The following IGSF21 variants were observed in gnomAD, a reference collection of about 807,000 sequenced individuals.
The protein encoded by IGSF21 is immunoglobulin superfamily member 21.
In IGSF21, 28 loss-of-function variants were observed where a neutral mutation model predicts 46.8. That is an observed-to-expected ratio of 0.60 (90% confidence interval 0.44 to 0.82). IGSF21 has a LOEUF of 0.82. Ranked by LOEUF, IGSF21 falls within the 40% of genes least tolerant of loss-of-function variation. IGSF21 has a pLI of 0.00. For synonymous variants in IGSF21, 284 were observed against 273.6 expected (o/e 1.04, Z -0.38); for missense variants, 624 against 665.5 (o/e 0.94, Z 0.69).
intron 4 of IGSF21, among the ~76,000 whole-genome samples, chr1:18,339,323 C>T (rs1015921760): frequency 3.3e-5 from 5 of 152,182 alleles, no homozygotes; most frequent in African/African-American, 9.7e-5. Flanking sequence ...AAGGAAATTT[C>T]CCTCCCCTTG....
rs74734980 is a variant in IGSF21, at chr1:18,183,028, C to G, written c.71-44870C>G. Among the ~76,000 whole-genome samples the G allele has an allele frequency of 9.4e-4, 143 of 152,320 alleles. 1 individual carries two copies. Among genetic ancestry groups the G allele is most frequent in the African/African-American group, 3.4e-3 (142 of 41,574 alleles). ...CTGGCTGCCCAGGCATTACAGGAAGCCACCCTGCCCCCTCCTGGGCCTGGC... is the reference window on the plus strand; with the variant it reads ...CTGGCTGCCCAGGCATTACAGGAAGGCACCCTGCCCCCTCCTGGGCCTGGC... On this transcript the variant is annotated intron_variant, in intron 1 of 9. Transcript: ENST00000251296.
chr1:18,249,003 C>T (rs146618121), intron 2 of IGSF21, among the ~76,000 whole-genome samples: 1 of 152,248 alleles, frequency 6.6e-6, no homozygotes, highest in African/African-American at 2.4e-5. Flanking sequence ...GGAGCCTGCG[C>T]AGGCCTCCTA....
intron 1 of IGSF21, among the ~76,000 whole-genome samples, chr1:18,183,863 G>A (rs1407518626): frequency 1.1e-4 from 16 of 152,230 alleles, no homozygotes; most frequent in Non-Finnish European, 1.5e-5. Context: ...GGTCCCACTG[G>A]GCAAGCCTAT....
chr1:18,364,113 A>G (rs1324666856), intron 5 of IGSF21, among the ~76,000 whole-genome samples: 1 of 152,100 alleles, frequency 6.6e-6, no homozygotes, highest in African/African-American at 2.4e-5. Context: ...GCCTGCCCCA[A>G]CATTTGCGAC....
intron 3 of IGSF21, among the ~76,000 whole-genome samples, chr1:18,296,236 CT>C (rs2085311344): frequency 3.9e-5 from 6 of 152,140 alleles, no homozygotes. Context: ...CTCCTAAATC[CT>C]TGTTTCAAGG....
intron 1 of IGSF21, among the ~76,000 whole-genome samples, chr1:18,212,998 G>A (rs2084407859): frequency 6.6e-6 from 1 of 152,238 alleles, no homozygotes; most frequent in Non-Finnish European, 1.5e-5. Context: ...AGGGGTCCTG[G>A]TCTTGAGTTG....
chr1:18,361,868 T>C, intron 4 of IGSF21: 1 of 496,436 alleles, frequency 2.0e-6, no homozygotes, highest in South Asian at 2.6e-5. Context: ...CTGTGCTATC[T>C]CTTGATTCCT....
intron 4 of IGSF21, among the ~76,000 whole-genome samples, chr1:18,338,843 C>A (rs115761135): frequency 6.6e-6 from 1 of 150,954 alleles, no homozygotes; most frequent in Admixed American, 6.6e-5. Flanking sequence ...GCCCCAGGAA[C>A]GCATTATACA....
chr1:18,325,027 C>G (rs944691338), intron 3 of IGSF21, among the ~76,000 whole-genome samples: 19 of 152,324 alleles, frequency 1.2e-4, no homozygotes, highest in African/African-American at 4.1e-4. Context: ...GAGTCTGGGT[C>G]CCACTTTCTG....
At chr1:18,175,613 G>A (rs932643796) in intron 1 of IGSF21, among the ~76,000 whole-genome samples, 3 of 152,080 alleles carry the variant, frequency 2.0e-5, no homozygotes, top group African/African-American at 7.2e-5. Context: ...CTGGGGTAGC[G>A]GGGGCTCCCT....
At chr1:18,255,180 G>T (rs1005556888) in intron 2 of IGSF21, among the ~76,000 whole-genome samples, 1 of 152,182 alleles carries the variant, frequency 6.6e-6, no homozygotes, top group Admixed American at 6.5e-5. Context: ...TACAGAGTGA[G>T]AAACTGAGGC....
Position 18,252,045 on chromosome 1 carries a change from GT to G in IGSF21, c.183+24058del, listed in dbSNP as rs59704256. Among the ~76,000 whole-genome samples the G allele has an allele frequency of 2.8e-3, 203 of 72,076 alleles. 2 individuals are homozygous for G. The highest frequency in any genetic ancestry group is 9.2e-3 in the African/African-American group (166 of 17,950). The allele number at this position is 72,076 out of a possible 152,430, so 47.3% of individuals were successfully genotyped here. ...GGCTGGAACACTTTCTGACCAAGGC[GT>G]TTTTTTTTTTTTTTTTTTTTTTGAG... On this transcript the variant is annotated intron_variant, in intron 2 of 9. Coordinates refer to ENST00000251296, the MANE Select transcript of IGSF21 (RefSeq NM_032880.5).
At position 18,273,462 on chromosome 1, in the gene IGSF21, C is replaced by CTCTTTCTTTT. The variant is rs1553159596; in HGVS notation, c.184-18395_184-18394insTTCTTTCTTT. On this transcript the variant is annotated intron_variant, in intron 2 of 9. Coordinates refer to ENST00000251296, the MANE Select transcript of IGSF21 (RefSeq NM_032880.5). Reference sequence around the variant, plus strand: ...TCTTTCTCACTTTCTTTCTTTCTCTCTCTTTCTTTCTTTCTTTCTTTCTTT... The same window carrying CTCTTTCTTTT: ...TCTTTCTCACTTTCTTTCTTTCTCTCTCTTTCTTTTTCTTTCTTTCTTTCTTTCTTTCTTT... 9.7e-5 allele frequency among the ~76,000 whole-genome samples: 6 copies of CTCTTTCTTTT among 61,930 alleles called. 1 individual carries two copies. In the East Asian group the frequency reaches 1.3e-3, roughly 13 times the overall value. 40.6% of individuals were successfully genotyped at this position (61,930 alleles called of 152,430 possible).
At chr1:18,150,505 G>A (rs371470919) in intron 1 of IGSF21, among the ~76,000 whole-genome samples, 6 of 152,266 alleles carry the variant, frequency 3.9e-5, no homozygotes, top group African/African-American at 1.4e-4. Context: ...ACCTGTCCCC[G>A]ATTCTGTGTT....
chr1:18,184,742 C>T lies in IGSF21; in HGVS notation c.71-43156C>T, dbSNP rs61762137. On this transcript the variant is annotated intron_variant, in intron 1 of 9. Coordinates refer to ENST00000251296, the MANE Select transcript of IGSF21 (RefSeq NM_032880.5). ...TGGTTGATGACGTGCACCCTCCCTC[C>T]CCCAGCTCCTCTTGTGACCCACTGG... Among the ~76,000 whole-genome samples, 583 of 152,262 alleles carry T rather than the reference C, an allele frequency of 3.8e-3. 1 individual carries two copies. The highest frequency in any genetic ancestry group is 6.8e-3 in the Middle Eastern group (2 of 292).
intron 3 of IGSF21, among the ~76,000 whole-genome samples, chr1:18,303,181 C>T (rs1236326477): frequency 2.0e-5 from 3 of 152,156 alleles, no homozygotes; most frequent in African/African-American, 7.2e-5. Flanking sequence ...AGGAAAGGCT[C>T]GTTAAATTAA....
At chr1:18,377,567 T>C (rs2086297273) in intron 9 of IGSF21, 136 bp downstream of exon 9, 2 of 750,692 alleles carry the variant, frequency 2.7e-6, no homozygotes, top group Non-Finnish European at 2.4e-6. Flanking sequence ...TGCCCTCTAG[T>C]AGGGCAGAGT....
chr1:18,241,293 C>T (rs182915249), intron 2 of IGSF21, among the ~76,000 whole-genome samples: 2 of 152,308 alleles, frequency 1.3e-5, no homozygotes, highest in African/African-American at 4.8e-5. Context: ...TGTTGCCATA[C>T]AGGACTTTGC....
chr1:18,233,283 G>T (rs1460097641), intron 2 of IGSF21, among the ~76,000 whole-genome samples: 1 of 152,172 alleles, frequency 6.6e-6, no homozygotes, highest in East Asian at 1.9e-4. Flanking sequence ...ATGCATACCT[G>T]GGTGTGTGTT....
Sources: gnomAD v4.1 joint callset for allele counts (sites outside exome capture counted in the v4.1 genomes callset) on GRCh38, gnomAD v4.1.1 for gene constraint, MANE v1.5 for transcripts, NCBI Gene and HGNC (gene_info 2026-07-23, HGNC 2026-07-21) for gene names.